Variants in UBASH3B observed in about 807,000 individuals in gnomAD.
UBASH3B encodes the protein ubiquitin associated and SH3 domain containing B.
UBASH3B carries 37 observed loss-of-function variants against 83.4 expected under a neutral mutation model. The observed-to-expected ratio is 0.44, with a 90% CI of 0.34 to 0.58. The LOEUF (loss-of-function observed/expected upper bound fraction) is 0.58. UBASH3B is among the 20% of genes least tolerant of loss of function. The probability of loss-of-function intolerance (pLI) is 0.01; values close to 1 mark genes in which losing one functional copy is unlikely to be tolerated. For missense variants in UBASH3B, 657 were observed against 827.2 expected, an observed-to-expected ratio of 0.79 and a Z score of 2.52; for synonymous variants, 304 against 318.3, an observed-to-expected ratio of 0.96 and a Z score of 0.48.
intron 11 of UBASH3B, among the ~76,000 whole-genome samples, chr11:122,804,095 A>G (rs1330914777): frequency 2.0e-5 from 3 of 152,078 alleles, no homozygotes; most frequent in African/African-American, 7.2e-5. Context: ...AATCTCACAC[A>G]TTACATGGTC....
chr11:122,730,486 C>G lies in UBASH3B; in HGVS notation c.162-45733C>G, dbSNP rs990079343. Among the ~76,000 whole-genome samples, 6 of 152,196 alleles carry G rather than the reference C, an allele frequency of 3.9e-5. No homozygotes were observed. In the East Asian group the frequency reaches 1.2e-3, roughly 29 times the overall value. ...CAGCCTCCTCAGACACCCAGAGAGG[C>G]CTATCCTAAGCCAAACCCCCTCACA... On this transcript the variant is annotated intron_variant, in intron 1 of 13. Coordinates refer to ENST00000284273, the MANE Select transcript of UBASH3B (RefSeq NM_032873.5).
chr11:122,777,280 AG>A, intron 3 of UBASH3B, 70 bp downstream of exon 3: 3 of 1,489,870 alleles, frequency 2.0e-6, no homozygotes, highest in Non-Finnish European at 2.7e-6. Flanking sequence ...TGGGACCTGG[AG>A]CAAAGGGAGG....
Position 122,676,530 on chromosome 11 carries a change from A to G in UBASH3B, c.161+20320A>G, listed in dbSNP as rs150786563. ...CACTCCAACCTGGGCAACAAGAGCA[A>G]AACTCCATCTCAAAAAAATAATATA... On this transcript the variant is annotated intron_variant, in intron 1 of 13. Transcript: ENST00000284273. Among the ~76,000 whole-genome samples the G allele has an allele frequency of 3.8e-3, 583 of 152,092 alleles. 5 individuals carry two copies. The highest frequency in any genetic ancestry group is 0.013 in the African/African-American group (542 of 41,498).
At chr11:122,782,990 A>C (rs1860882042) in intron 4 of UBASH3B, 63 bp from the exon 5 acceptor site, 3 of 1,543,986 alleles carry the variant, frequency 1.9e-6, no homozygotes, top group African/African-American at 1.4e-5. Context: ...GCCTTTCCTT[A>C]AGTCTTCACC....
At chr11:122,671,129 G>A (rs373859839) in intron 1 of UBASH3B, among the ~76,000 whole-genome samples, 4 of 152,198 alleles carry the variant, frequency 2.6e-5, no homozygotes, top group South Asian at 2.1e-4. Flanking sequence ...ACAGAGATGC[G>A]GGGAGCTGGC....
intron 1 of UBASH3B, among the ~76,000 whole-genome samples, chr11:122,680,727 T>G (rs181916354): frequency 3.8e-4 from 58 of 152,318 alleles, no homozygotes; most frequent in African/African-American, 1.4e-3. Context: ...CCTCCCAAAG[T>G]GCTGGGATTA....
intron 11 of UBASH3B, among the ~76,000 whole-genome samples, chr11:122,804,045 G>A (rs767868489): frequency 2.6e-5 from 4 of 152,064 alleles, no homozygotes; most frequent in Non-Finnish European, 4.4e-5. Flanking sequence ...TGATCAGGAC[G>A]AACCAGATCC....
intron 12 of UBASH3B, among the ~76,000 whole-genome samples, chr11:122,807,410 T>C (rs1195459693): frequency 6.6e-6 from 1 of 152,204 alleles, no homozygotes; most frequent in Non-Finnish European, 1.5e-5. Flanking sequence ...GCTGTGTGTA[T>C]TGTACCAGCG....
In UBASH3B at chr11:122,799,035, G is replaced by A. The variant is rs1399771298; in HGVS notation, c.1450+1G>A. On this transcript the variant is annotated splice_donor_variant, in intron 10 of 13. Transcript: ENST00000284273. LOFTEE classifies it high-confidence loss of function. ...CAGACTGCACACAATATCTTGAAAG[G>A]TAAGACTTGCAGGTTGACAAAAACA... 2.5e-6 allele frequency: 4 copies of A among 1,613,464 alleles called. No individual in the cohort carries two copies. Among genetic ancestry groups the A allele is most frequent in the African/African-American group, 1.3e-5 (1 of 74,888 alleles).
intron 1 of UBASH3B, among the ~76,000 whole-genome samples, chr11:122,732,505 T>C (rs1860859767): frequency 1.3e-5 from 2 of 152,260 alleles, no homozygotes; most frequent in African/African-American, 2.4e-5. Context: ...TGTTTCCTAA[T>C]GGAGACACAG....
Position 122,744,898 on chromosome 11 carries a change from TGCGC to T in UBASH3B, c.162-31310_162-31307del, listed in dbSNP as rs148530696. Among the ~76,000 whole-genome samples the T allele has an allele frequency of 3.6e-3, 386 of 107,904 alleles. 1 individual carries two copies. Among genetic ancestry groups the T allele is most frequent in the Non-Finnish European group, 5.5e-3 (235 of 42,778 alleles). 70.8% of individuals were successfully genotyped at this position (107,904 alleles called of 152,430 possible). On this transcript the variant is annotated intron_variant, in intron 1 of 13. Coordinates refer to ENST00000284273, the MANE Select transcript of UBASH3B (RefSeq NM_032873.5). ...CTGTGTGTGTGTGTGTGTGTGTGTG[TGCGC>T]GCGCGCGCGCACTTGGGCACGTGAG...
rs1860745175 is a variant in UBASH3B, at chr11:122,776,922, C to A, written c.216-102C>A. 4.4e-6 allele frequency: 5 copies of A among 1,129,828 alleles called. No homozygotes were observed. In the Admixed American group the frequency reaches 7.6e-5, roughly 17 times the overall value. The allele number at this position is 1,129,828 out of a possible 1,614,324, so 70.0% of individuals were successfully genotyped here. A position where few individuals can be genotyped will look rare whatever the true frequency, so the allele number is the denominator to read the frequency against. On this transcript the variant is annotated intron_variant, in intron 2 of 13. Coordinates refer to ENST00000284273, the MANE Select transcript of UBASH3B (RefSeq NM_032873.5). ...AATGAAAACCCTTCCCCGCGCTGTG[C>A]CGGGGATTTGGAGCACATGGAGGGT...
intron 9 of UBASH3B, 55 bp from the exon 10 acceptor site, chr11:122,798,887 C>A: frequency 6.6e-7 from 1 of 1,509,568 alleles, no homozygotes; most frequent in South Asian, 1.1e-5. Context: ...CACTGCGGGT[C>A]AAGGTGAGAC....
chr11:122,796,955 C>A lies in UBASH3B; in HGVS notation c.1279C>A (p.Gln427Lys). Residue 427 changes from glutamine to lysine, a missense_variant, in exon 9 of 14, where the codon CAG becomes AAG. Around this residue, in one of 3 missense-constraint regions of UBASH3B, gnomAD observed 573 missense variants for 739.0 expected, o/e 0.78. Transcript: ENST00000284273. ...TNLNMPHSLP[Q>K]RSGGFRDYEK... ...CCTGAACATGCCTCATAGTTTACCTCAGCGGAGTGGTGGTTTCCGAGATTA... is the reference window on the plus strand; with the variant it reads ...CCTGAACATGCCTCATAGTTTACCTAAGCGGAGTGGTGGTTTCCGAGATTA... 1 of 1,614,170 alleles carries A rather than the reference C, an allele frequency of 6.2e-7. No homozygotes were observed. The highest frequency in any genetic ancestry group is 8.5e-7 in the Non-Finnish European group (1 of 1,180,028).
At chr11:122,723,592 A>G (rs1860679483) in intron 1 of UBASH3B, among the ~76,000 whole-genome samples, 1 of 152,290 alleles carries the variant, frequency 6.6e-6, no homozygotes, top group South Asian at 2.1e-4. Flanking sequence ...CAAGTGTCTC[A>G]AAGTATCCAT....
chr11:122,792,317 T>G (rs549151137), intron 6 of UBASH3B, among the ~76,000 whole-genome samples: 1 of 151,692 alleles, frequency 6.6e-6, no homozygotes, highest in Non-Finnish European at 1.5e-5. Flanking sequence ...TTTTTCTTTT[T>G]TTTTTTTTTA....
chr11:122,696,660 G>C (rs1201738208), intron 1 of UBASH3B, among the ~76,000 whole-genome samples: 2 of 152,200 alleles, frequency 1.3e-5, no homozygotes, highest in Non-Finnish European at 2.9e-5. Context: ...AGACTAGAAT[G>C]TGTAAGTTGC....
At chr11:122,760,148 C>G (rs2135975459) in intron 1 of UBASH3B, among the ~76,000 whole-genome samples, 1 of 152,186 alleles carries the variant, frequency 6.6e-6, no homozygotes, top group East Asian at 1.9e-4. Context: ...TCAAGTAGCT[C>G]ATGGTCTATT....
At chr11:122,776,781 C>CT (rs750282228) in intron 2 of UBASH3B, among the ~76,000 whole-genome samples, 13 of 152,144 alleles carry the variant, frequency 8.5e-5, no homozygotes, top group Admixed American at 2.6e-4. Context: ...GGTTTTAGGA[C>CT]TTTTTTAGGG....
Sources: allele counts gnomAD v4.1 joint callset (sites outside exome capture counted in the v4.1 genomes callset), GRCh38; gene constraint gnomAD v4.1.1; regional missense constraint gnomAD v4.1.1; transcripts MANE v1.5; gene names NCBI Gene and HGNC (gene_info 2026-07-23, HGNC 2026-07-21).